ITGA1: variants seen among roughly 807,000 people sequenced by gnomAD.
ITGA1 encodes the protein integrin subunit alpha 1, also known as integrin alpha-1.
In ITGA1, 85 loss-of-function variants were observed where a neutral mutation model predicts 145.9. The ratio of observed to expected loss-of-function variants is 0.58; its 90% CI spans 0.49 to 0.70. ITGA1 has a LOEUF of 0.70. Ranked by LOEUF, ITGA1 falls within the 30% of genes least tolerant of loss-of-function variation. The pLI, the probability that ITGA1 is intolerant of heterozygous loss-of-function variation, is 0.00. For missense variants in ITGA1, 1,351 were observed against 1,418.7 expected, an observed-to-expected ratio of 0.95 and a Z score of 0.77; for synonymous variants, 520 against 495.3, an observed-to-expected ratio of 1.05 and a Z score of -0.66.
At chr5:52,898,497 A>G (rs1979398) in intron 11 of ITGA1, 114 bp downstream of exon 11, 479,913 of 944,974 alleles carry the variant, frequency 0.51, 123,781 homozygotes, top group Middle Eastern at 0.59. Context: ...TTATTTCAAC[A>G]AGTTGGGTAT....
intron 11 of ITGA1, among the ~76,000 whole-genome samples, chr5:52,898,933 G>T (rs1285624612): frequency 6.6e-6 from 1 of 152,074 alleles, no homozygotes; most frequent in East Asian, 1.9e-4. Flanking sequence ...CCAGTGTCTT[G>T]CCAGAAATGA....
chr5:52,927,949 C>A (rs10038838), intron 20 of ITGA1, among the ~76,000 whole-genome samples: 112,250 of 152,060 alleles, frequency 0.74, 41,761 homozygotes, highest in African/African-American at 0.78. Flanking sequence ...TGTCCTCATA[C>A]GAGAGGCTTG....
chr5:52,906,861 C>T (rs762138285), intron 12 of ITGA1, among the ~76,000 whole-genome samples: 1 of 152,164 alleles, frequency 6.6e-6, no homozygotes, highest in African/African-American at 2.4e-5. Context: ...TGCAGGGATA[C>T]TCACATTAGG....
At chr5:52,821,803 G>A (rs1055882130) in intron 1 of ITGA1, among the ~76,000 whole-genome samples, 1 of 152,058 alleles carries the variant, frequency 6.6e-6, no homozygotes. Context: ...GAATTTATTA[G>A]GAATCTAAAT....
At chr5:52,932,776 T>C (rs1287038803) in intron 22 of ITGA1, 2 of 152,220 alleles carry the variant, frequency 1.3e-5, no homozygotes, top group Non-Finnish European at 2.9e-5. Context: ...AAAAGTCTTA[T>C]CATTTTATTA....
At chr5:52,857,301 C>G (rs1749531068) in intron 2 of ITGA1, among the ~76,000 whole-genome samples, 1 of 152,104 alleles carries the variant, frequency 6.6e-6, no homozygotes. Flanking sequence ...TAAGACAAAC[C>G]TCTCCTTCTG....
intron 1 of ITGA1, among the ~76,000 whole-genome samples, chr5:52,808,667 T>C (rs1234093470): frequency 2.1e-5 from 1 of 46,636 alleles, no homozygotes; most frequent in South Asian, 7.4e-4. Context: ...TCTTTTTCTT[T>C]CTTTCTTTCT....
intron 1 of ITGA1, among the ~76,000 whole-genome samples, chr5:52,841,854 A>C (rs988736162): frequency 6.6e-6 from 1 of 152,166 alleles, no homozygotes; most frequent in Non-Finnish European, 1.5e-5. Flanking sequence ...AGTTTATACC[A>C]TGTGAATGGG....
chr5:52,854,090 C>T (rs1749470350), intron 2 of ITGA1, among the ~76,000 whole-genome samples: 1 of 152,128 alleles, frequency 6.6e-6, no homozygotes, highest in Non-Finnish European at 1.5e-5. Context: ...TTCACTGGAC[C>T]TGTCTGATCT....
At chr5:52,890,638 A>T (rs1750131957) in intron 8 of ITGA1, among the ~76,000 whole-genome samples, 2 of 152,184 alleles carry the variant, frequency 1.3e-5, no homozygotes, top group African/African-American at 4.8e-5. Context: ...GGTACATGTG[A>T]TATTTTGATA....
chr5:52,827,494 G>A (rs1192010983), intron 1 of ITGA1, among the ~76,000 whole-genome samples: 1 of 152,176 alleles, frequency 6.6e-6, no homozygotes, highest in African/African-American at 2.4e-5. Flanking sequence ...CTCTAATTTT[G>A]AAAGAAGTTT....
chr5:52,822,029 A>G (rs998788303), intron 1 of ITGA1, among the ~76,000 whole-genome samples: 2 of 152,238 alleles, frequency 1.3e-5, no homozygotes, highest in South Asian at 2.1e-4. Flanking sequence ...CTTAAATTGC[A>G]TATATTTTAT....
chr5:52,865,812 A>G lies in ITGA1; in HGVS notation c.619A>G (p.Thr207Ala). ...AAGAATGGATATTGGTCCTAAACAGACACAGGTATGTGACTTTGTGTTTTG... is the reference window on the plus strand; with the variant it reads ...AAGAATGGATATTGGTCCTAAACAGGCACAGGTATGTGACTTTGTGTTTTG... Reference protein sequence around the residue: ...LERMDIGPKQTQVGIVQYGEN... With the variant: ...LERMDIGPKQAQVGIVQYGEN... The change falls in exon 6 of 29, where the codon ACA (threonine) becomes GCA (alanine). Residue 207 changes from threonine to alanine, a missense_variant. Physicochemically the swap from Thr to Ala is moderately conservative, Grantham distance 58 (BLOSUM62 0). Transcript: ENST00000282588. 1.3e-6 allele frequency: 2 copies of G among 1,582,112 alleles called. No homozygotes were observed. The highest frequency in any genetic ancestry group is 1.7e-6 in the Non-Finnish European group (2 of 1,169,046).
chr5:52,927,235 C>T (rs1750825593), intron 19 of ITGA1, among the ~76,000 whole-genome samples: 1 of 152,190 alleles, frequency 6.6e-6, no homozygotes, highest in Admixed American at 6.5e-5. Context: ...CCTCCAATGA[C>T]TAGCATTCAC....
chr5:52,810,122 C>A (rs1580038746), intron 1 of ITGA1, among the ~76,000 whole-genome samples: 2 of 152,276 alleles, frequency 1.3e-5, no homozygotes, highest in East Asian at 3.9e-4. Context: ...GTTTTTAGGA[C>A]AGCAAAGATG....
chr5:52,925,143 T>C, intron 18 of ITGA1, 135 bp from the exon 19 acceptor site: 1 of 642,178 alleles, frequency 1.6e-6, no homozygotes, highest in Non-Finnish European at 2.7e-6. Context: ...TCCCTTAAGA[T>C]TTTTGCAGGG....
At chr5:52,818,807 T>G (rs758224144) in intron 1 of ITGA1, among the ~76,000 whole-genome samples, 2 of 152,200 alleles carry the variant, frequency 1.3e-5, no homozygotes, top group Non-Finnish European at 2.9e-5. Flanking sequence ...TCTAATTTTA[T>G]AAATTTTAAT....
intron 16 of ITGA1, among the ~76,000 whole-genome samples, chr5:52,919,099 A>G (rs1248601445): frequency 6.6e-6 from 1 of 152,144 alleles, no homozygotes; most frequent in Non-Finnish European, 1.5e-5. Context: ...CTGGAGCAGA[A>G]ATTACATGTT....
chr5:52,916,732 A>G (rs1750654359), intron 15 of ITGA1, among the ~76,000 whole-genome samples: 1 of 152,218 alleles, frequency 6.6e-6, no homozygotes, highest in Admixed American at 6.5e-5. Context: ...GCTCAAAACC[A>G]GAAGTCAGCA....
Sources: gnomAD v4.1 joint callset for allele counts (sites outside exome capture counted in the v4.1 genomes callset) on GRCh38, gnomAD v4.1.1 for gene constraint, MANE v1.5 for transcripts, NCBI Gene and HGNC (gene_info 2026-07-23, HGNC 2026-07-21) for gene names.